TLR2: variants seen among roughly 807,000 people sequenced by gnomAD.
The protein encoded by TLR2 is toll like receptor 2, also known as toll-like receptor 2.
A neutral mutation model predicts 9.1 loss-of-function variants in TLR2; 7 were observed. The ratio of observed to expected loss-of-function variants is 0.77; its 90% CI spans 0.44 to 1.44. The LOEUF (loss-of-function observed/expected upper bound fraction) is 1.44, where lower values mean the gene tolerates loss of function less well. Among genes scored for constraint, TLR2 ranks in the 40% most tolerant of loss-of-function variants. The pLI, the probability that TLR2 is intolerant of heterozygous loss-of-function variation, is 0.01. For missense variants in TLR2, 812 were observed against 904.6 expected (o/e 0.90, Z 1.31); for synonymous variants, 317 against 344.6 (o/e 0.92, Z 0.89).
intron 2 of TLR2, among the ~76,000 whole-genome samples, chr4:153,694,597 G>A (rs1220500944): frequency 2.6e-5 from 4 of 152,140 alleles, no homozygotes; most frequent in Non-Finnish European, 4.4e-5. Context: ...GAGATATTTT[G>A]ATACAGGCAT....
chr4:153,692,124 T>C (rs1431767063), intron 2 of TLR2, among the ~76,000 whole-genome samples: 1 of 152,228 alleles, frequency 6.6e-6, no homozygotes, highest in African/African-American at 2.4e-5. Flanking sequence ...GCAGGTTTTT[T>C]ACTGCAGGAA....
At chr4:153,707,228 G>A (rs143178307), downstream of TLR2, among the ~76,000 whole-genome samples, 36 of 152,130 alleles carry the variant, frequency 2.4e-4, no homozygotes, top group East Asian at 1.9e-3. Flanking sequence ...TGTTTCACAC[G>A]ACCTCCCAGA....
In TLR2 at chr4:153,706,117, T is replaced by C. The variant is rs578171109; in HGVS notation, c.*855T>C. Among the ~76,000 whole-genome samples, 32 of 152,258 alleles carry C rather than the reference T, an allele frequency of 2.1e-4. No individual in the cohort carries two copies. Among genetic ancestry groups the C allele is most frequent in the Non-Finnish European group, 4.7e-4 (32 of 68,036 alleles). ...TACTAGAGGGTGTATTTTCATGTGATCTGGATCTGTCTTTCTGGCTATTAG... is the reference window on the plus strand; with the variant it reads ...TACTAGAGGGTGTATTTTCATGTGACCTGGATCTGTCTTTCTGGCTATTAG... On this transcript the variant is annotated 3_prime_UTR_variant, in exon 3 of 3. Coordinates refer to ENST00000642700, the MANE Select transcript of TLR2 (RefSeq NM_001318789.2).
At chr4:153,707,205 A>G (rs1482514950), downstream of TLR2, among the ~76,000 whole-genome samples, 1 of 152,178 alleles carries the variant, frequency 6.6e-6, no homozygotes, top group Non-Finnish European at 1.5e-5. Context: ...GGGAACTCGC[A>G]TAGGGCTGCT....
intron 2 of TLR2, among the ~76,000 whole-genome samples, chr4:153,700,621 A>G (rs373854820): frequency 4.3e-4 from 65 of 152,224 alleles, no homozygotes; most frequent in African/African-American, 1.5e-3. Flanking sequence ...AGAATAACCA[A>G]GACACATTTG....
chr4:153,696,690 T>C (rs1041377992), intron 2 of TLR2, among the ~76,000 whole-genome samples: 1 of 152,196 alleles, frequency 6.6e-6, no homozygotes, highest in African/African-American at 2.4e-5. Flanking sequence ...CATAGATATG[T>C]CAATGTACAG....
chr4:153,708,363 T>C (rs139928561), downstream of TLR2, among the ~76,000 whole-genome samples: 3 of 152,372 alleles, frequency 2.0e-5, no homozygotes, highest in African/African-American at 7.2e-5. Flanking sequence ...TTTATCCAAA[T>C]GTGAAGTCTT....
rs199541821 is a variant in TLR2, at chr4:153,704,211, C to G, written c.1304C>G (p.Pro435Arg). Residue 435 changes from proline (P) to arginine (R), a missense_variant, in exon 3 of 3, where the codon CCA (proline) becomes CGA (arginine). By Grantham distance (103) the Pro-to-Arg change is moderately radical. Coordinates refer to ENST00000642700, the MANE Select transcript of TLR2 (RefSeq NM_001318789.2). ...TCTATGCCTGAAACTTGTCAGTGGC[C>G]AGAAAAGATGAAATATTTGAACTTA... ...FHSMPETCQW[P>R]EKMKYLNLSS... is the part of the protein sequence containing the mutation. 1 of 1,614,108 alleles carries G rather than the reference C, an allele frequency of 6.2e-7. No individual in the cohort carries two copies. The highest frequency in any genetic ancestry group is 2.2e-5 in the East Asian group (1 of 44,870).
intron 2 of TLR2, among the ~76,000 whole-genome samples, chr4:153,691,217 A>G (rs1736091666): frequency 3.6e-5 from 5 of 138,436 alleles, no homozygotes; most frequent in Admixed American, 3.2e-4. Context: ...GGGAGAATCC[A>G]ATTAGTTAAT....
intron 1 of TLR2, among the ~76,000 whole-genome samples, chr4:153,686,788 C>T (rs961525574): frequency 1.3e-5 from 2 of 152,242 alleles, no homozygotes; most frequent in East Asian, 3.9e-4. Flanking sequence ...TTTTATCATA[C>T]ATCTCTCAGT....
rs1222974001 is a variant in TLR2, at chr4:153,703,287, C to T, written c.380C>T (p.Thr127Ile). ...TGGTTCAAGCCCCTTTCTTCTTTAA[C>T]ATTCTTAAACTTACTGGGAAATCCT... ...SSWFKPLSSL[T>I]FLNLLGNPYK... Residue 127 changes from threonine to isoleucine, a missense_variant, in exon 3 of 3, where the codon ACA becomes ATA. Thr to Ile is a moderately conservative substitution (Grantham distance 89, BLOSUM62 -1). Transcript: ENST00000642700. 8 of 1,611,586 alleles carry T rather than the reference C, an allele frequency of 5.0e-6. No homozygotes were observed. The highest frequency in any genetic ancestry group is 6.8e-6 in the Non-Finnish European group (8 of 1,179,452).
At position 153,704,113 on chromosome 4, in the gene TLR2, G is replaced by A. The variant is rs1737138960; in HGVS notation, c.1206G>A (p.Leu402=). ...LILRQNHLAS[L]EKTGETLLTL... ...TAAGGCAAAATCATTTGGCATCATT[G>A]GAAAAAACCGGAGAGACTTTGCTCA... is the stretch of plus-strand genomic sequence containing the variant. The change falls in exon 3 of 3, where the codon TTG becomes TTA. Residue 402 remains leucine, a synonymous_variant. Coordinates refer to ENST00000642700, the MANE Select transcript of TLR2 (RefSeq NM_001318789.2). 1.2e-6 allele frequency: 2 copies of A among 1,613,628 alleles called. No homozygotes were observed. The highest frequency in any genetic ancestry group is 1.7e-6 in the Non-Finnish European group (2 of 1,179,892).
intron 1 of TLR2, among the ~76,000 whole-genome samples, chr4:153,686,071 C>G (rs1157970818): frequency 3.3e-5 from 5 of 152,144 alleles, no homozygotes; most frequent in Non-Finnish European, 7.3e-5. Context: ...AACTCATTCT[C>G]ACAATAAACT....
At chr4:153,691,645 T>C (rs1304521764) in intron 2 of TLR2, among the ~76,000 whole-genome samples, 1 of 152,188 alleles carries the variant, frequency 6.6e-6, no homozygotes, top group Non-Finnish European at 1.5e-5. Flanking sequence ...TGTTAATTGC[T>C]GAGGGCTAAT....
chr4:153,710,588 A>G (rs556357574), downstream of TLR2: 18 of 1,146,850 alleles, frequency 1.6e-5, no homozygotes, highest in Admixed American at 8.7e-5. Flanking sequence ...ATGAATGGGT[A>G]TTTCCTTTCT....
chr4:153,704,080 T>G lies in TLR2; in HGVS notation c.1173T>G (p.Thr391=), dbSNP rs776041261. 1.1e-4 allele frequency: 176 copies of G among 1,614,124 alleles called. No individual in the cohort carries two copies. The highest frequency in any genetic ancestry group is 1.3e-4 in the Non-Finnish European group (157 of 1,180,002). The change falls in exon 3 of 3, where the codon ACT becomes ACG. Residue 391 remains threonine, a synonymous_variant. Transcript: ENST00000642700. ...ACEDAWPSLQ[T]LILRQNHLAS... Reference sequence around the variant, plus strand: ...AGGATGCCTGGCCCTCTCTACAAACTTTAATTTTAAGGCAAAATCATTTGG... The same window carrying G: ...AGGATGCCTGGCCCTCTCTACAAACGTTAATTTTAAGGCAAAATCATTTGG...
chr4:153,702,721 A>G, intron 2 of TLR2, 171 bp from the exon 3 acceptor site: 2 of 622,764 alleles, frequency 3.2e-6, no homozygotes, highest in Non-Finnish European at 5.4e-6. Flanking sequence ...TTTTATCCCC[A>G]TTCATTCGTT....
chr4:153,703,990 A>AT lies in TLR2; in HGVS notation c.1085dup (p.Leu362PhefsTer8). 6.2e-7 allele frequency: 1 copy of AT among 1,613,070 alleles called. No homozygotes were observed. Among genetic ancestry groups the AT allele is most frequent in the Non-Finnish European group, 8.5e-7 (1 of 1,179,780 alleles). On this transcript the variant is annotated frameshift_variant, in exon 3 of 3. Coordinates refer to ENST00000642700, the MANE Select transcript of TLR2 (RefSeq NM_001318789.2). LOFTEE classifies it low-confidence loss of function (END_TRUNC). ...GTTTACTTTCACAACATTTAAAATCATTAGAATACTTGGATCTCAGTGAAA... is the reference window on the plus strand; with the variant it reads ...GTTTACTTTCACAACATTTAAAATCATTTAGAATACTTGGATCTCAGTGAAA...
At chr4:153,696,788 G>A (rs1736532254) in intron 2 of TLR2, among the ~76,000 whole-genome samples, 1 of 152,056 alleles carries the variant, frequency 6.6e-6, no homozygotes, top group Non-Finnish European at 1.5e-5. Flanking sequence ...CAGCACTGTG[G>A]GAAGCTGAGG....
Sources: allele counts gnomAD v4.1 joint callset (sites outside exome capture counted in the v4.1 genomes callset), GRCh38; gene constraint gnomAD v4.1.1; transcripts MANE v1.5; gene names NCBI Gene and HGNC (gene_info 2026-07-23, HGNC 2026-07-21).